Variants in DNM3 observed in about 807,000 individuals in gnomAD.
DNM3 encodes the protein dynamin 3.
In DNM3, 47 loss-of-function variants were observed where a neutral mutation model predicts 101.6. The observed-to-expected ratio is 0.46, with a 90% CI of 0.37 to 0.59. DNM3 has a LOEUF of 0.59. Ranked by LOEUF, DNM3 falls within the 20% of genes least tolerant of loss-of-function variation. The pLI is 0.00. For synonymous variants in DNM3, 385 were observed against 387.9 expected (o/e 0.99, Z 0.09); for missense variants, 849 against 1,085.7 (o/e 0.78, Z 3.06).
At chr1:172,209,628 A>G (rs1435155525) in intron 14 of DNM3, among the ~76,000 whole-genome samples, 1 of 151,974 alleles carries the variant, frequency 6.6e-6, no homozygotes, top group Non-Finnish European at 1.5e-5. Context: ...ATAGCAATGC[A>G]CTTCTGTGTC....
At chr1:172,354,174 G>GA (rs1308891510) in intron 17 of DNM3, among the ~76,000 whole-genome samples, 1 of 139,350 alleles carries the variant, frequency 7.2e-6, no homozygotes, top group South Asian at 2.4e-4. Context: ...AATATCTGAA[G>GA]AAAAAAAAGG....
intron 15 of DNM3, among the ~76,000 whole-genome samples, chr1:172,273,614 A>C (rs2063166777): frequency 6.6e-6 from 1 of 152,082 alleles, no homozygotes; most frequent in African/African-American, 2.4e-5. Context: ...CTGAGAACAA[A>C]TGAGTTAATC....
chr1:172,092,741 C>T, intron 12 of DNM3, 83 bp from the exon 13 acceptor site: 2 of 1,364,426 alleles, frequency 1.5e-6, no homozygotes, highest in Admixed American at 2.7e-5. Flanking sequence ...TTTTTAAAGC[C>T]TGTATAAATT....
chr1:172,032,298 A>G, intron 4 of DNM3, 104 bp from the exon 5 acceptor site: 2 of 852,172 alleles, frequency 2.3e-6, no homozygotes, highest in Non-Finnish European at 3.9e-6. Flanking sequence ...GGAAATGGGA[A>G]AAGGACCAGG....
At chr1:172,090,380 C>A (rs578104938) in intron 12 of DNM3, among the ~76,000 whole-genome samples, 1 of 152,088 alleles carries the variant, frequency 6.6e-6, no homozygotes, top group Admixed American at 6.6e-5. Flanking sequence ...CTACTCAAGA[C>A]GCTGTGTGCG....
intron 17 of DNM3, among the ~76,000 whole-genome samples, chr1:172,377,498 G>A (rs2068662020): frequency 6.8e-6 from 1 of 147,236 alleles, no homozygotes; most frequent in Admixed American, 6.8e-5. Flanking sequence ...TCTTTATATA[G>A]AAGATGTTTT....
At chr1:172,325,388 G>A (rs1446745834) in intron 17 of DNM3, among the ~76,000 whole-genome samples, 2 of 152,128 alleles carry the variant, frequency 1.3e-5, no homozygotes, top group South Asian at 4.1e-4. Flanking sequence ...TTCGAATTAA[G>A]GAGTGAGCAC....
At chr1:171,974,923 C>T (rs1482371514) in intron 2 of DNM3, among the ~76,000 whole-genome samples, 2 of 151,076 alleles carry the variant, frequency 1.3e-5, no homozygotes, top group Non-Finnish European at 2.9e-5. Context: ...GTTAAAGGCT[C>T]ACTGCACCCT....
intron 1 of DNM3, among the ~76,000 whole-genome samples, chr1:171,890,635 C>G (rs1212187407): frequency 6.6e-6 from 1 of 151,908 alleles, no homozygotes; most frequent in Non-Finnish European, 1.5e-5. Flanking sequence ...TTTGTTGATA[C>G]TGTTCCTGAA....
chr1:171,945,867 G>A (rs1234548801), intron 2 of DNM3, among the ~76,000 whole-genome samples: 1 of 152,162 alleles, frequency 6.6e-6, no homozygotes, highest in Non-Finnish European at 1.5e-5. Flanking sequence ...CATATGGAAA[G>A]TGGGAGAGAA....
At chr1:172,033,494 A>T (rs2048758565) in intron 6 of DNM3, among the ~76,000 whole-genome samples, 1 of 152,170 alleles carries the variant, frequency 6.6e-6, no homozygotes, top group Admixed American at 6.5e-5. Context: ...AAGCAGAAAC[A>T]CATACCTATT....
intron 20 of DNM3, among the ~76,000 whole-genome samples, chr1:172,395,392 A>AACTCCTGACCTCAGGTGATCCACCC (rs1240983853): frequency 6.6e-6 from 1 of 152,110 alleles, no homozygotes; most frequent in African/African-American, 2.4e-5. Context: ...GTTGGTCTCA[A>AACTCCTGACCTCAGGTGATCCACCC]ACTCCTGACC....
At chr1:172,247,766 C>A (rs946532213) in intron 14 of DNM3, among the ~76,000 whole-genome samples, 3 of 151,870 alleles carry the variant, frequency 2.0e-5, no homozygotes, top group African/African-American at 7.3e-5. Flanking sequence ...CTCACTGCAA[C>A]TTCTGCCTCC....
intron 2 of DNM3, among the ~76,000 whole-genome samples, chr1:171,976,091 G>A (rs528566697): frequency 6.6e-6 from 1 of 152,308 alleles, no homozygotes; most frequent in Non-Finnish European, 1.5e-5. Flanking sequence ...TGTAGACAAT[G>A]GATTTTAGAC....
chr1:172,305,613 A>G (rs2064766171), intron 15 of DNM3, among the ~76,000 whole-genome samples: 1 of 152,224 alleles, frequency 6.6e-6, no homozygotes, highest in Admixed American at 6.5e-5. Flanking sequence ...TCCGTGATGA[A>G]CATCGATGCA....
intron 16 of DNM3, among the ~76,000 whole-genome samples, chr1:172,318,706 A>G (rs1490717270): frequency 2.0e-5 from 3 of 152,196 alleles, no homozygotes; most frequent in Non-Finnish European, 2.9e-5. Flanking sequence ...CTTCAAGGAG[A>G]ACTACAAACC....
chr1:172,087,099 GACAAA>G (rs1285277398), intron 12 of DNM3, among the ~76,000 whole-genome samples: 2 of 152,016 alleles, frequency 1.3e-5, no homozygotes, highest in Non-Finnish European at 2.9e-5. Context: ...TTTTGTCCAG[GACAAA>G]ACAGTTAATC....
chr1:171,985,975 G>A (rs1394408288), intron 2 of DNM3, among the ~76,000 whole-genome samples: 2 of 152,192 alleles, frequency 1.3e-5, no homozygotes, highest in Non-Finnish European at 2.9e-5. Flanking sequence ...AGTTGGACTA[G>A]TGGAATATGA....
At chr1:172,017,129 C>A (rs1407876897) in intron 4 of DNM3, among the ~76,000 whole-genome samples, 1 of 152,112 alleles carries the variant, frequency 6.6e-6, no homozygotes, top group Non-Finnish European at 1.5e-5. Context: ...CATGCTCTCT[C>A]TTTTTGATTA....
Sources: gnomAD v4.1 joint callset for allele counts (sites outside exome capture counted in the v4.1 genomes callset) on GRCh38, gnomAD v4.1.1 for gene constraint, MANE v1.5 for transcripts, NCBI Gene and HGNC (gene_info 2026-07-23, HGNC 2026-07-21) for gene names.